The following CACNA1D variants were observed in gnomAD, a reference collection of about 807,000 sequenced individuals.
CACNA1D encodes calcium voltage-gated channel subunit alpha1 D.
A neutral mutation model predicts 257.1 loss-of-function variants in CACNA1D; 55 were observed. That is an observed-to-expected ratio of 0.21 (90% confidence interval 0.17 to 0.27). CACNA1D has a LOEUF of 0.27. CACNA1D is among the 10% of genes least tolerant of loss of function. CACNA1D has a pLI of 1.00. For synonymous variants in CACNA1D, 980 were observed against 1,014.9 expected (o/e 0.97, Z 0.65); for missense variants, 1,876 against 2,784.0 (o/e 0.67, Z 7.34).
At chr3:53,610,329 G>C (rs1019650522) in intron 3 of CACNA1D, among the ~76,000 whole-genome samples, 1 of 152,206 alleles carries the variant, frequency 6.6e-6, no homozygotes. Flanking sequence ...AGTTATGAGA[G>C]AGGAATGTTG....
At chr3:53,694,148 C>G (rs1425942743) in intron 8 of CACNA1D, among the ~76,000 whole-genome samples, 1 of 152,164 alleles carries the variant, frequency 6.6e-6, no homozygotes, top group Non-Finnish European at 1.5e-5. Context: ...ATCAGGATGT[C>G]AGGGCCTGTA....
At chr3:53,628,020 A>C (rs1331808461) in intron 3 of CACNA1D, among the ~76,000 whole-genome samples, 1 of 151,852 alleles carries the variant, frequency 6.6e-6, no homozygotes, top group Non-Finnish European at 1.5e-5. Context: ...ACTCCATCTC[A>C]AAAAAAATAA....
chr3:53,553,505 C>G (rs1372580549), intron 3 of CACNA1D, among the ~76,000 whole-genome samples: 1 of 152,110 alleles, frequency 6.6e-6, no homozygotes, highest in East Asian at 1.9e-4. Flanking sequence ...TGCCAGGTAT[C>G]TTTTTAAAAT....
intron 22 of CACNA1D, 80 bp from the exon 23 acceptor site, chr3:53,744,660 A>G (rs2095150463): frequency 4.9e-6 from 4 of 824,730 alleles, no homozygotes; most frequent in South Asian, 4.0e-5. Flanking sequence ...TAAAGTGAAG[A>G]TCCAGTGAAA....
intron 3 of CACNA1D, among the ~76,000 whole-genome samples, chr3:53,623,187 C>T (rs1052488419): frequency 1.1e-4 from 16 of 152,156 alleles, no homozygotes; most frequent in African/African-American, 2.2e-4. Context: ...CGCGCCCGGC[C>T]GAAAGAAGCC....
chr3:53,734,719 T>C (rs889125006), intron 19 of CACNA1D, among the ~76,000 whole-genome samples: 2 of 152,152 alleles, frequency 1.3e-5, no homozygotes, highest in African/African-American at 2.4e-5. Flanking sequence ...GATCCTTGCA[T>C]GTTAGCAAAT....
intron 3 of CACNA1D, among the ~76,000 whole-genome samples, chr3:53,649,207 T>G (rs2108264071): frequency 6.6e-6 from 1 of 152,290 alleles, no homozygotes; most frequent in East Asian, 1.9e-4. Context: ...CAAGCAAACA[T>G]TTAATAGGTG....
At chr3:53,578,268 G>A (rs1384105413) in intron 3 of CACNA1D, among the ~76,000 whole-genome samples, 3 of 152,096 alleles carry the variant, frequency 2.0e-5, no homozygotes, top group Non-Finnish European at 4.4e-5. Flanking sequence ...ACTAGATGGA[G>A]GGGGTGGTAT....
chr3:53,596,247 C>G lies in CACNA1D; in HGVS notation c.484-54532C>G, dbSNP rs1467231279. On this transcript the variant is annotated intron_variant, in intron 3 of 47. Transcript: ENST00000350061. ...TCACTGTGTGACCTTCATCCCCCCT[C>G]CCCCCACTCCCTGTACCCTTTGAGT... Among the ~76,000 whole-genome samples, 3 of 152,038 alleles carry G rather than the reference C, an allele frequency of 2.0e-5. No individual in the cohort carries two copies. The East Asian group carries it at 5.8e-4, about 29-fold the overall frequency.
chr3:53,566,537 C>T (rs1029426780), intron 3 of CACNA1D, among the ~76,000 whole-genome samples: 1 of 152,096 alleles, frequency 6.6e-6, no homozygotes, highest in Non-Finnish European at 1.5e-5. Flanking sequence ...CACTGTCTGC[C>T]CTCCCTCGCT....
At chr3:53,695,633 T>C (rs1433128587) in intron 8 of CACNA1D, among the ~76,000 whole-genome samples, 1 of 152,068 alleles carries the variant, frequency 6.6e-6, no homozygotes, top group African/African-American at 2.4e-5. Flanking sequence ...ATGGTGGTGG[T>C]TGGGGGTCAG....
intron 9 of CACNA1D, among the ~76,000 whole-genome samples, chr3:53,703,439 G>A (rs1004801779): frequency 6.6e-6 from 1 of 152,214 alleles, no homozygotes; most frequent in Non-Finnish European, 1.5e-5. Context: ...CAAGGCCTGA[G>A]AACTCAGTCC....
At position 53,710,221 on chromosome 3, in the gene CACNA1D, C is replaced by G. The variant is rs113635606; in HGVS notation, c.1390+7411C>G. Reference sequence around the variant, plus strand: ...TGTAATAGCTGTGGAAAGGGCACTTCCTCTCCGCTGTTCTGATGCTGAGCT... The same window carrying G: ...TGTAATAGCTGTGGAAAGGGCACTTGCTCTCCGCTGTTCTGATGCTGAGCT... On this transcript the variant is annotated intron_variant, in intron 9 of 47. Coordinates refer to ENST00000350061, the MANE Select transcript of CACNA1D (RefSeq NM_001128840.3). Among the ~76,000 whole-genome samples the G allele has an allele frequency of 2.2e-4, 34 of 152,312 alleles. 2 individuals are homozygous for G. Among genetic ancestry groups the G allele is most frequent in the African/African-American group, 7.5e-4 (31 of 41,566 alleles).
At chr3:53,543,125 T>TAAAG (rs1343336001) in intron 3 of CACNA1D, among the ~76,000 whole-genome samples, 4 of 126,126 alleles carry the variant, frequency 3.2e-5, no homozygotes, top group African/African-American at 9.0e-5. Context: ...CAGTAAAAAA[T>TAAAG]AAATAAAGAA....
At chr3:53,565,753 T>C (rs807189) in intron 3 of CACNA1D, among the ~76,000 whole-genome samples, 112,784 of 152,134 alleles carry the variant, frequency 0.74, 42,519 homozygotes, top group Non-Finnish European at 0.81. Flanking sequence ...AGTTGCCTTA[T>C]TTATCAAGTA....
At chr3:53,568,868 G>A (rs758837345) in intron 3 of CACNA1D, among the ~76,000 whole-genome samples, 10 of 151,998 alleles carry the variant, frequency 6.6e-5, no homozygotes, top group Middle Eastern at 3.4e-3. Context: ...GAAACTCATC[G>A]TCATCAGGCT....
chr3:53,802,288 T>G, intron 43 of CACNA1D, 115 bp downstream of exon 43: 2 of 905,924 alleles, frequency 2.2e-6, no homozygotes, highest in South Asian at 2.6e-5. Flanking sequence ...TTAAAGGTTA[T>G]CATAATTCAT....
chr3:53,734,016 G>GTGTATATA (rs1412072447), intron 19 of CACNA1D, among the ~76,000 whole-genome samples: 166 of 131,648 alleles, frequency 1.3e-3, no homozygotes, highest in African/African-American at 4.6e-3. Context: ...ATATGTGTGT[G>GTGTATATA]TATATATATA....
At chr3:53,519,040 A>T (rs185105133) in intron 3 of CACNA1D, among the ~76,000 whole-genome samples, 1 of 152,310 alleles carries the variant, frequency 6.6e-6, no homozygotes, top group Admixed American at 6.5e-5. Context: ...ATGGGAAAGT[A>T]AGATATTTTA....
Sources: gnomAD v4.1 joint callset for allele counts (sites outside exome capture counted in the v4.1 genomes callset) on GRCh38, gnomAD v4.1.1 for gene constraint, MANE v1.5 for transcripts, NCBI Gene and HGNC (gene_info 2026-07-23, HGNC 2026-07-21) for gene names.